The following PPP2R2A variants were observed in gnomAD, a reference collection of about 807,000 sequenced individuals.
PPP2R2A encodes serine/threonine-protein phosphatase 2A 55 kDa regulatory subunit B alpha isoform.
A neutral mutation model predicts 53.2 loss-of-function variants in PPP2R2A; 9 were observed. That is an observed-to-expected ratio of 0.17 (90% CI 0.10 to 0.30). The LOEUF (loss-of-function observed/expected upper bound fraction) is 0.30, where lower values mean the gene tolerates loss of function less well. Ranked by LOEUF, PPP2R2A falls within the 10% of genes least tolerant of loss-of-function variation. PPP2R2A has a pLI of 1.00. For synonymous variants in PPP2R2A, 169 were observed against 174.2 expected (o/e 0.97, Z 0.23); for missense variants, 235 against 534.6 (o/e 0.44, Z 5.53).
chr8:26,335,972 G>T (rs950715932), intron 2 of PPP2R2A, among the ~76,000 whole-genome samples: 1 of 152,180 alleles, frequency 6.6e-6, no homozygotes, highest in African/African-American at 2.4e-5. Flanking sequence ...TTGCAATCAA[G>T]TCTTTTTCTT....
At position 26,360,116 on chromosome 8, in the gene PPP2R2A, A is replaced by C; in HGVS notation, c.347-53A>C. On this transcript the variant is annotated intron_variant, in intron 4 of 9. Coordinates refer to ENST00000380737, the MANE Select transcript of PPP2R2A (RefSeq NM_002717.4). This position sits in a 1 kb window ranked among gnomAD's most constrained non-coding sequence, Gnocchi z 4.5. ...TGAAATAGCATATTTTAAATGCCTT[A>C]AAATGTTTTTCTTCTTCAGTATTTT... The C allele has an allele frequency of 9.8e-7, 1 of 1,022,008 alleles. No individual in the cohort carries two copies. Among genetic ancestry groups the C allele is most frequent in the Admixed American group, 2.2e-5 (1 of 46,304 alleles). 63.3% of individuals were successfully genotyped at this position (1,022,008 alleles called of 1,614,324 possible).
At chr8:26,312,269 A>G (rs770178346) in intron 2 of PPP2R2A, among the ~76,000 whole-genome samples, 80 of 152,232 alleles carry the variant, frequency 5.3e-4, no homozygotes, top group African/African-American at 1.9e-3. Context: ...TTGGCCTGAT[A>G]ATCAACACTT....
chr8:26,313,615 G>T (rs1480391306), intron 2 of PPP2R2A, among the ~76,000 whole-genome samples: 15 of 152,176 alleles, frequency 9.9e-5, no homozygotes, highest in Non-Finnish European at 8.8e-5. Flanking sequence ...AAGGATTTTT[G>T]AGATAGGGAG....
intron 3 of PPP2R2A, among the ~76,000 whole-genome samples, chr8:26,344,210 G>C (rs1446827826): frequency 6.6e-6 from 1 of 152,082 alleles, no homozygotes; most frequent in East Asian, 1.9e-4. Flanking sequence ...AATCATCACA[G>C]CAAAATAACA....
chr8:26,357,289 C>CCG (rs1239015728), intron 4 of PPP2R2A, among the ~76,000 whole-genome samples: 1 of 144,120 alleles, frequency 6.9e-6, no homozygotes, highest in African/African-American at 2.5e-5. Context: ...TAACACCCCC[C>CCG]CCCCCCAATA....
At chr8:26,342,920 C>T (rs190978329) in intron 3 of PPP2R2A, among the ~76,000 whole-genome samples, 17 of 152,140 alleles carry the variant, frequency 1.1e-4, no homozygotes, top group Middle Eastern at 3.4e-3. Flanking sequence ...GGTTGGGGGC[C>T]GTGGCTGATG....
rs1221198451 is a variant in PPP2R2A at position 26,338,145 on chromosome 8, G to T, written c.83-745G>T. 6.6e-6 allele frequency among the ~76,000 whole-genome samples: 1 copy of T among 152,114 alleles called. No homozygotes were observed. Among genetic ancestry groups the T allele is most frequent in the Non-Finnish European group, 1.5e-5 (1 of 68,020 alleles). ...CAGTGATGAATTTTACCATGTTACT[G>T]CTCTATCTTATGCCCATTTCTGTAA... On this transcript the variant is annotated intron_variant, in intron 2 of 9. Transcript: ENST00000380737. The surrounding 1 kb of genome is among the most constrained non-coding windows in gnomAD (Gnocchi z 4.5).
In PPP2R2A at chr8:26,338,277, A is replaced by G. The variant is rs1009357214; in HGVS notation, c.83-613A>G. Among the ~76,000 whole-genome samples, 1 of 152,222 alleles carries G rather than the reference A, an allele frequency of 6.6e-6. No homozygotes were observed. Among genetic ancestry groups the G allele is most frequent in the African/African-American group, 2.4e-5 (1 of 41,464 alleles). On this transcript the variant is annotated intron_variant, in intron 2 of 9. Transcript: ENST00000380737. This position sits in a 1 kb window ranked among gnomAD's most constrained non-coding sequence, Gnocchi z 4.5. ...GTGAAGTCAGCACTGAGCTGGTAGAATCCATGTGACGTGACTGATTCTAGT... is the reference window on the plus strand; with the variant it reads ...GTGAAGTCAGCACTGAGCTGGTAGAGTCCATGTGACGTGACTGATTCTAGT...
chr8:26,317,763 G>A (rs1389093865), intron 2 of PPP2R2A, among the ~76,000 whole-genome samples: 1 of 152,192 alleles, frequency 6.6e-6, no homozygotes, highest in Non-Finnish European at 1.5e-5. Flanking sequence ...CAAAAAATTA[G>A]CTTGTTTCTC....
At chr8:26,303,713 A>G (rs1034049552) in intron 2 of PPP2R2A, among the ~76,000 whole-genome samples, 2 of 152,100 alleles carry the variant, frequency 1.3e-5, no homozygotes, top group Non-Finnish European at 2.9e-5. Flanking sequence ...TGTAGACTTC[A>G]GCAGTTTTCT....
intron 2 of PPP2R2A, among the ~76,000 whole-genome samples, chr8:26,325,129 T>G (rs565603714): frequency 1.3e-5 from 2 of 151,156 alleles, no homozygotes; most frequent in East Asian, 3.9e-4. Flanking sequence ...GACATGAGAT[T>G]TGGAGGGGTT....
At position 26,354,148 on chromosome 8, in the gene PPP2R2A, T is replaced by G. The variant is rs1804655913; in HGVS notation, c.181-320T>G. Reference sequence around the variant, plus strand: ...AACTTCCTTATTATGGGTGCTCAGTTTTTTTTCATCAGTTTTTTTCATAGA... The same window carrying G: ...AACTTCCTTATTATGGGTGCTCAGTGTTTTTTCATCAGTTTTTTTCATAGA... On this transcript the variant is annotated intron_variant, in intron 3 of 9. Transcript: ENST00000380737. This position sits in a 1 kb window ranked among gnomAD's most constrained non-coding sequence, Gnocchi z 4.6. 6.6e-6 allele frequency among the ~76,000 whole-genome samples: 1 copy of G among 152,156 alleles called. No individual in the cohort carries two copies. Among genetic ancestry groups the G allele is most frequent in the Admixed American group, 6.5e-5 (1 of 15,274 alleles).
chr8:26,366,439 T>C (rs1354109303), intron 9 of PPP2R2A, 33 bp downstream of exon 9: 1 of 1,471,556 alleles, frequency 6.8e-7, no homozygotes, highest in Non-Finnish European at 9.2e-7. Context: ...ATATGAATTT[T>C]ATTAAAGAAA....
At chr8:26,314,390 T>TGATCATCATCATC in intron 2 of PPP2R2A, among the ~76,000 whole-genome samples, 1 of 152,340 alleles carries the variant, frequency 6.6e-6, no homozygotes, top group East Asian at 1.9e-4. Context: ...TCATTATCAT[T>TGATCATCATCATC]GTGATCATCA....
In PPP2R2A at chr8:26,360,266, A is replaced by T. The variant is rs1462035510; in HGVS notation, c.444A>T (p.Thr148=). 1 of 1,595,944 alleles carries T rather than the reference A, an allele frequency of 6.3e-7. No homozygotes were observed. The highest frequency in any genetic ancestry group is 8.6e-7 in the Non-Finnish European group (1 of 1,165,882). Residue 148 remains threonine, a synonymous_variant, in exon 5 of 10, where the codon ACA becomes ACT. Coordinates refer to ENST00000380737, the MANE Select transcript of PPP2R2A (RefSeq NM_002717.4). The surrounding 1 kb of genome is among the most constrained non-coding windows in gnomAD (Gnocchi z 4.5). ...ATGGAAGGTATAGAGATCCTACTAC[A>T]GTTACTACACTACGAGTAAGTACAT... The part of the protein sequence containing the change: ...EEDGRYRDPT[T]VTTLRVPVFR...
At chr8:26,325,802 CAT>C (rs1161047347) in intron 2 of PPP2R2A, among the ~76,000 whole-genome samples, 1 of 152,098 alleles carries the variant, frequency 6.6e-6, no homozygotes, top group Non-Finnish European at 1.5e-5. Context: ...AAATACCTAA[CAT>C]AGAGTATGTA....
At chr8:26,328,753 C>G (rs531764769) in intron 2 of PPP2R2A, among the ~76,000 whole-genome samples, 7 of 152,260 alleles carry the variant, frequency 4.6e-5, no homozygotes, top group Admixed American at 1.3e-4. Context: ...GGAATATTTA[C>G]TAAAATAATA....
intron 2 of PPP2R2A, among the ~76,000 whole-genome samples, chr8:26,315,946 G>C (rs1001828044): frequency 6.6e-6 from 1 of 152,076 alleles, no homozygotes; most frequent in African/African-American, 2.4e-5. Flanking sequence ...AATAGAAAAG[G>C]GGAATTCACA....
chr8:26,345,338 A>C (rs1009912704), intron 3 of PPP2R2A, among the ~76,000 whole-genome samples: 2 of 152,114 alleles, frequency 1.3e-5, no homozygotes, highest in Non-Finnish European at 2.9e-5. Context: ...TTGTATTCTT[A>C]TTATTAATAA....
Sources: gnomAD v4.1 joint callset for allele counts (sites outside exome capture counted in the v4.1 genomes callset) on GRCh38, gnomAD v4.1.1 for gene constraint, Gnocchi (gnomAD v3.1) non-coding constraint, MANE v1.5 for transcripts, NCBI Gene and HGNC (gene_info 2026-07-23, HGNC 2026-07-21) for gene names.